Variants in P4HA1 observed in about 807,000 individuals in gnomAD.
P4HA1 encodes prolyl 4-hydroxylase subunit alpha 1.
P4HA1 carries 24 observed loss-of-function variants against 72.8 expected under a neutral mutation model. The ratio of observed to expected loss-of-function variants is 0.33; its 90% CI spans 0.24 to 0.46. The LOEUF (loss-of-function observed/expected upper bound fraction) is 0.46. P4HA1 is among the 20% of genes least tolerant of loss of function. P4HA1 has a pLI of 1.00. For synonymous variants in P4HA1, 201 were observed against 218.8 expected, an observed-to-expected ratio of 0.92 and a Z score of 0.72; for missense variants, 446 against 640.6, an observed-to-expected ratio of 0.70 and a Z score of 3.28.
rs869244017 is a variant in P4HA1, at chr10:73,058,090, GAAAAAAAAAAAAAAAA to G, written c.464-4516_464-4501del. Among the ~76,000 whole-genome samples the G allele has an allele frequency of 2.5e-3, 57 of 23,074 alleles. 1 individual carries two copies. Among genetic ancestry groups the G allele is most frequent in the Admixed American group, 0.018 (41 of 2,324 alleles). The allele number at this position is 23,074 out of a possible 152,430, so 15.1% of individuals were successfully genotyped here. A position where few individuals can be genotyped will look rare whatever the true frequency, so the allele number is the denominator to read the frequency against. ...GGGTGACAGAGCAAGACTCCGTCCA[GAAAAAAAAAAAAAAAA>G]AAAAAAAAAAAAAGGTGAATAAAGA... is the stretch of plus-strand genomic sequence containing the variant. On this transcript the variant is annotated intron_variant, in intron 5 of 14. Transcript: ENST00000394890.
intron 10 of P4HA1, among the ~76,000 whole-genome samples, chr10:73,029,414 T>TC (rs1742034069): frequency 1.3e-5 from 1 of 76,834 alleles, no homozygotes; most frequent in Admixed American, 1.7e-4. Context: ...AGACTCCATC[T>TC]CAAAAAAAAA....
At chr10:73,066,286 T>C (rs1345896038) in intron 5 of P4HA1, among the ~76,000 whole-genome samples, 3 of 152,064 alleles carry the variant, frequency 2.0e-5, no homozygotes, top group African/African-American at 7.2e-5. Flanking sequence ...CAATAAGAAC[T>C]AGCCCAAAAC....
intron 5 of P4HA1, among the ~76,000 whole-genome samples, chr10:73,064,327 T>C (rs1841373983): frequency 6.6e-6 from 1 of 151,790 alleles, no homozygotes; most frequent in Non-Finnish European, 1.5e-5. Flanking sequence ...ATACAAAAAT[T>C]AGCTGCTTGT....
intron 8 of P4HA1, among the ~76,000 whole-genome samples, chr10:73,045,779 T>A (rs970007398): frequency 6.6e-6 from 1 of 151,600 alleles, no homozygotes; most frequent in African/African-American, 2.4e-5. Flanking sequence ...TATAACTTGA[T>A]CTCCAAGTTG....
At chr10:73,071,935 G>T in intron 4 of P4HA1, 94 bp downstream of exon 4, 2 of 1,008,498 alleles carry the variant, frequency 2.0e-6, no homozygotes, top group Non-Finnish European at 2.9e-6. Context: ...ACACTGAACT[G>T]AACTGGTTTC....
chr10:73,089,593 T>TA (rs113318167), intron 1 of P4HA1, among the ~76,000 whole-genome samples: 12 of 150,574 alleles, frequency 8.0e-5, no homozygotes, highest in South Asian at 4.2e-4. Context: ...GTAAATGGGT[T>TA]AAAAAAAATC....
At chr10:73,083,880 G>A (rs1430715216) in intron 1 of P4HA1, among the ~76,000 whole-genome samples, 1 of 152,094 alleles carries the variant, frequency 6.6e-6, no homozygotes, top group Admixed American at 6.6e-5. Flanking sequence ...TAAATGAGAG[G>A]TGGAATCACA....
intron 3 of P4HA1, among the ~76,000 whole-genome samples, chr10:73,072,554 G>A (rs1331489819): frequency 1.3e-5 from 2 of 152,032 alleles, no homozygotes; most frequent in East Asian, 3.9e-4. Flanking sequence ...TCAATTACAT[G>A]TTCATTTAAA....
In P4HA1 at chr10:73,086,760, C is replaced by T. The variant is rs553400489; in HGVS notation, c.-33+10006G>A. Among the ~76,000 whole-genome samples the T allele has an allele frequency of 1.4e-4, 22 of 151,878 alleles. No homozygotes were observed. In the South Asian group the frequency reaches 4.6e-3, roughly 32 times the overall value. On this transcript the variant is annotated intron_variant, in intron 1 of 14. Coordinates refer to ENST00000394890, the MANE Select transcript of P4HA1 (RefSeq NM_001017962.3). ...CCAACCTGGCCAACATGGTGAAACC[C>T]CATCTCTACTAAAAATACAAAAATT...
At chr10:73,056,929 G>A (rs986408607) in intron 5 of P4HA1, among the ~76,000 whole-genome samples, 10 of 150,158 alleles carry the variant, frequency 6.7e-5, no homozygotes, top group African/African-American at 9.8e-5. Flanking sequence ...GCGTGGTGGC[G>A]GATGCCTGTA....
chr10:73,021,939 G>C (rs1840145165), intron 10 of P4HA1, among the ~76,000 whole-genome samples: 1 of 152,228 alleles, frequency 6.6e-6, no homozygotes, highest in South Asian at 2.1e-4. Flanking sequence ...GGCTGGAGGA[G>C]GGGTGTCCAC....
At chr10:73,049,834 A>C (rs1410189252) in intron 7 of P4HA1, among the ~76,000 whole-genome samples, 1 of 152,218 alleles carries the variant, frequency 6.6e-6, no homozygotes, top group African/African-American at 2.4e-5. Flanking sequence ...GTTGTATCTC[A>C]TAAGATGCAC....
Position 73,019,080 on chromosome 10 carries a change from G to A in P4HA1, c.1249-2181C>T, listed in dbSNP as rs144604752. ...CACTGGCTAAAACTCCCTATTGTGGGGAAAACAAGAATGGAAGGATTCCAA... is the reference window on the plus strand; with the variant it reads ...CACTGGCTAAAACTCCCTATTGTGGAGAAAACAAGAATGGAAGGATTCCAA... On this transcript the variant is annotated intron_variant, in intron 10 of 14. Coordinates refer to ENST00000394890, the MANE Select transcript of P4HA1 (RefSeq NM_001017962.3). Among the ~76,000 whole-genome samples the A allele has an allele frequency of 6.7e-4, 102 of 152,030 alleles. 1 individual carries two copies. The highest frequency in any genetic ancestry group is 2.3e-3 in the African/African-American group (94 of 41,450).
intron 9 of P4HA1, among the ~76,000 whole-genome samples, chr10:73,034,011 A>T (rs1314318554): frequency 6.6e-6 from 1 of 152,180 alleles, no homozygotes; most frequent in Non-Finnish European, 1.5e-5. Context: ...TGAGTTCAAG[A>T]CCAGTCTCGG....
chr10:73,029,585 G>A (rs573242465), intron 10 of P4HA1, among the ~76,000 whole-genome samples: 5 of 149,576 alleles, frequency 3.3e-5, no homozygotes, highest in Non-Finnish European at 7.4e-5. Flanking sequence ...AGTAAATAAC[G>A]CTGACAAAGG....
In P4HA1 at chr10:73,051,141, G is replaced by C; in HGVS notation, c.812C>G (p.Thr271Ser). 1 of 1,613,686 alleles carries C rather than the reference G, an allele frequency of 6.2e-7. No individual in the cohort carries two copies. The highest frequency in any genetic ancestry group is 1.3e-5 in the African/African-American group (1 of 74,986). ...AGCAACCCCTTTTTTCTTTGGTGTA[G>C]TTTTCTGATCAGATTGGTCATCTGA... is the stretch of plus-strand genomic sequence containing the variant. ...SASDDQSDQKTTPKKKGVAVD... is the reference protein window; with the variant it reads ...SASDDQSDQKSTPKKKGVAVD... Residue 271 changes from threonine to serine, a missense_variant, in exon 7 of 15, where the codon ACT (threonine) becomes AGT (serine). By Grantham distance (58) the Thr-to-Ser change is moderately conservative. Coordinates refer to ENST00000394890, the MANE Select transcript of P4HA1 (RefSeq NM_001017962.3).
Position 73,073,510 on chromosome 10 carries a change from C to T in P4HA1, c.173+221G>A, listed in dbSNP as rs577595505. Among the ~76,000 whole-genome samples the T allele has an allele frequency of 3.5e-3, 530 of 152,192 alleles. 3 individuals are homozygous for T. Among genetic ancestry groups the T allele is most frequent in the African/African-American group, 0.011 (476 of 41,552 alleles). On this transcript the variant is annotated intron_variant, in intron 3 of 14. Transcript: ENST00000394890. ...TGCTGGGATTACAGGCATGAGCCAC[C>T]GCATCCGGCTGGTATCTATCCATAT...
chr10:73,017,166 CAGATG>C (rs1840024729), intron 10 of P4HA1, among the ~76,000 whole-genome samples: 6 of 134,224 alleles, frequency 4.5e-5, no homozygotes, highest in African/African-American at 2.2e-4. Flanking sequence ...TCTATATCTA[CAGATG>C]TATATATAGA....
chr10:73,095,383 T>C (rs923506780), intron 1 of P4HA1, among the ~76,000 whole-genome samples: 1 of 152,068 alleles, frequency 6.6e-6, no homozygotes, highest in Non-Finnish European at 1.5e-5. Flanking sequence ...AAAATCCCTT[T>C]AAAATGTTTT....
Sources: gnomAD v4.1 joint callset for allele counts (sites outside exome capture counted in the v4.1 genomes callset) on GRCh38, gnomAD v4.1.1 for gene constraint, MANE v1.5 for transcripts, NCBI Gene and HGNC (gene_info 2026-07-23, HGNC 2026-07-21) for gene names.